Variants in SMG6 observed in about 807,000 individuals in gnomAD.
SMG6 encodes the protein SMG6 nonsense mediated mRNA decay factor.
SMG6 carries 66 observed loss-of-function variants against 142.2 expected under a neutral mutation model. The ratio of observed to expected loss-of-function variants is 0.46; its 90% CI spans 0.38 to 0.57. The LOEUF (loss-of-function observed/expected upper bound fraction) is 0.57, where lower values mean the gene tolerates loss of function less well. Ranked by LOEUF, SMG6 falls within the 20% of genes least tolerant of loss-of-function variation. The probability of loss-of-function intolerance (pLI) is 0.00; values close to 1 mark genes in which losing one functional copy is unlikely to be tolerated. For synonymous variants in SMG6, 779 were observed against 702.4 expected, an observed-to-expected ratio of 1.11 and a Z score of -1.72; for missense variants, 1,793 against 1,832.0, an observed-to-expected ratio of 0.98 and a Z score of 0.39.
intron 6 of SMG6, among the ~76,000 whole-genome samples, chr17:2,288,879 A>C (rs959168936): frequency 6.6e-6 from 1 of 151,824 alleles, no homozygotes; most frequent in Non-Finnish European, 1.5e-5. Flanking sequence ...GGAGATTGAG[A>C]CCATCCTGGC....
chr17:2,282,931 G>A (rs1215605493), intron 7 of SMG6, 72 bp from the exon 8 acceptor site: 26 of 1,477,990 alleles, frequency 1.8e-5, no homozygotes, highest in Non-Finnish European at 2.4e-5. Flanking sequence ...AGCACTTAGA[G>A]ATGCGGAGGC....
intron 14 of SMG6, among the ~76,000 whole-genome samples, chr17:2,084,902 A>G (rs1440364781): frequency 2.0e-5 from 3 of 152,212 alleles, no homozygotes; most frequent in African/African-American, 4.8e-5. Context: ...AAATGCATAC[A>G]TGCTCCAACA....
intron 10 of SMG6, among the ~76,000 whole-genome samples, chr17:2,189,400 G>A (rs543677996): frequency 3.9e-5 from 6 of 152,312 alleles, no homozygotes; most frequent in Non-Finnish European, 7.3e-5. Context: ...GAACTCGAGA[G>A]GAGCTGGTGA....
intron 4 of SMG6, among the ~76,000 whole-genome samples, chr17:2,297,013 A>G (rs1165339057): frequency 1.3e-5 from 2 of 151,236 alleles, no homozygotes; most frequent in South Asian, 2.1e-4. Context: ...AAAAAATGAA[A>G]AAAAAAAAAA....
At chr17:2,141,617 A>T (rs901000315) in intron 13 of SMG6, among the ~76,000 whole-genome samples, 9 of 152,014 alleles carry the variant, frequency 5.9e-5, no homozygotes, top group Non-Finnish European at 1.0e-4. Flanking sequence ...TTTTTAAAAA[A>T]TTTTTTTGCA....
intron 10 of SMG6, among the ~76,000 whole-genome samples, chr17:2,209,601 T>C (rs1405259242): frequency 6.6e-6 from 1 of 152,092 alleles, no homozygotes; most frequent in Non-Finnish European, 1.5e-5. Flanking sequence ...TGGCCTCACG[T>C]GATCTGCCCA....
rs371276988 is a variant in SMG6 at position 2,301,581 on chromosome 17, G to A, written c.89-917C>T. ...CTCTCGGCCGGGCGCGGTGGGTCAC[G>A]CCTGTAATCCCAGCACTTTGGGAGG... On this transcript the variant is annotated intron_variant, in intron 1 of 18. Coordinates refer to ENST00000263073, the MANE Select transcript of SMG6 (RefSeq NM_017575.5). Among the ~76,000 whole-genome samples the A allele has an allele frequency of 2.1e-3, 323 of 152,326 alleles. 1 individual carries two copies. The highest frequency in any genetic ancestry group is 3.7e-3 in the Non-Finnish European group (253 of 68,036).
chr17:2,062,453 A>G (rs1262557360), intron 18 of SMG6: 1 of 152,204 alleles, frequency 6.6e-6, no homozygotes, highest in African/African-American at 2.4e-5. Flanking sequence ...TATATACTTA[A>G]AAGGTCTTGC....
intron 11 of SMG6, among the ~76,000 whole-genome samples, 173 bp from the exon 12 acceptor site, chr17:2,187,004 A>G (rs1439500005): frequency 6.6e-6 from 1 of 152,226 alleles, no homozygotes; most frequent in Non-Finnish European, 1.5e-5. Flanking sequence ...AAAGTAGGAC[A>G]AAGAGAGAAC....
intron 13 of SMG6, among the ~76,000 whole-genome samples, chr17:2,151,836 C>T (rs561229877): frequency 6.6e-6 from 1 of 152,260 alleles, no homozygotes; most frequent in Admixed American, 6.5e-5. Context: ...ATTCCATTGC[C>T]TCGGGGGCCT....
At chr17:2,155,403 T>C (rs2070970349) in intron 13 of SMG6, among the ~76,000 whole-genome samples, 1 of 152,116 alleles carries the variant, frequency 6.6e-6, no homozygotes, top group Non-Finnish European at 1.5e-5. Context: ...GGAAAAAACA[T>C]AAAGTATCCA....
intron 8 of SMG6, among the ~76,000 whole-genome samples, chr17:2,245,768 C>A (rs1350302266): frequency 6.6e-6 from 1 of 152,172 alleles, no homozygotes; most frequent in East Asian, 1.9e-4. Flanking sequence ...GCAACCTCAA[C>A]CTCCTGGGCT....
chr17:2,189,407 G>C (rs1006504739), intron 10 of SMG6, among the ~76,000 whole-genome samples: 1 of 152,132 alleles, frequency 6.6e-6, no homozygotes, highest in African/African-American at 2.4e-5. Context: ...AGAGGAGCTG[G>C]TGACACACAG....
rs375131530 is a variant in SMG6, at chr17:2,250,093, A to G, written c.2662-5374T>C. Among the ~76,000 whole-genome samples, 10 of 152,364 alleles carry G rather than the reference A, an allele frequency of 6.6e-5. No individual in the cohort carries two copies. The East Asian group carries it at 1.9e-3, about 29-fold the overall frequency. On this transcript the variant is annotated intron_variant, in intron 8 of 18. Transcript: ENST00000263073. ...ATGTTTTACACAAGCCTTGAAAGTT[A>G]TCACTCAAAATTGTGTCTAAGGGCT...
intron 8 of SMG6, among the ~76,000 whole-genome samples, chr17:2,281,396 T>C (rs563071941): frequency 3.3e-5 from 5 of 152,318 alleles, no homozygotes; most frequent in African/African-American, 1.2e-4. Context: ...CCCAAAGTGC[T>C]GGGATTACAG....
At chr17:2,281,542 T>G (rs1378995333) in intron 8 of SMG6, among the ~76,000 whole-genome samples, 1 of 152,146 alleles carries the variant, frequency 6.6e-6, no homozygotes, top group African/African-American at 2.4e-5. Context: ...CATTTCTTGG[T>G]TCAAGTCTTT....
intron 16 of SMG6, among the ~76,000 whole-genome samples, chr17:2,066,657 A>ACACACACACT (rs1269095035): frequency 1.6e-5 from 2 of 125,352 alleles, no homozygotes; most frequent in Non-Finnish European, 3.5e-5. Context: ...GGGAATACAC[A>ACACACACACT]CACACACACA....
intron 10 of SMG6, among the ~76,000 whole-genome samples, chr17:2,215,257 A>C (rs1003518431): frequency 6.6e-6 from 1 of 152,154 alleles, no homozygotes; most frequent in African/African-American, 2.4e-5. Flanking sequence ...ACCTATAAAA[A>C]GGATCTACTA....
chr17:2,196,020 A>G (rs1246829575), intron 10 of SMG6, among the ~76,000 whole-genome samples: 1 of 152,222 alleles, frequency 6.6e-6, no homozygotes, highest in Non-Finnish European at 1.5e-5. Flanking sequence ...GCCAAAATGA[A>G]AAACATGCCA....
Sources: allele counts gnomAD v4.1 joint callset (sites outside exome capture counted in the v4.1 genomes callset), GRCh38; gene constraint gnomAD v4.1.1; transcripts MANE v1.5; gene names NCBI Gene and HGNC (gene_info 2026-07-23, HGNC 2026-07-21).